LMBRD2: variants seen among roughly 807,000 people sequenced by gnomAD.
LMBRD2 encodes the protein G protein-coupled receptor-associated protein LMBRD2.
Under a neutral mutation model 94.4 loss-of-function variants are expected in LMBRD2, and 55 were observed. That is an observed-to-expected ratio of 0.58 (90% CI 0.47 to 0.73). The LOEUF is 0.73. LMBRD2 is among the 30% of genes least tolerant of loss of function. LMBRD2 has a pLI of 0.00. For missense variants in LMBRD2, 640 were observed against 831.9 expected, an observed-to-expected ratio of 0.77 and a Z score of 2.84; for synonymous variants, 246 against 272.4, an observed-to-expected ratio of 0.90 and a Z score of 0.95.
At chr5:36,142,400 G>C (rs1189039175) in intron 3 of LMBRD2, 102 bp downstream of exon 3, 2 of 612,978 alleles carry the variant, frequency 3.3e-6, no homozygotes, top group Non-Finnish European at 5.7e-6. Context: ...TAGAGAATGA[G>C]GATAACTTAC....
In LMBRD2 at chr5:36,115,033, T is replaced by C; in HGVS notation, c.1524A>G (p.Gln508=). ...MDSSISHKNT[Q]PTAYTSIMGS... ...TACTTACAGATGTATAAGCAGTTGG[T>C]TGAGTATTCTTGTGAGAGATAGATG... Residue 508 remains glutamine, a synonymous_variant, in exon 12 of 18, where the codon CAA becomes CAG. Transcript: ENST00000296603. 1.2e-6 allele frequency: 2 copies of C among 1,600,624 alleles called. No individual in the cohort carries two copies. Among genetic ancestry groups the C allele is most frequent in the South Asian group, 1.1e-5 (1 of 90,558 alleles).
At position 36,122,419 on chromosome 5, in the gene LMBRD2, C is replaced by G. The variant is rs752229654; in HGVS notation, c.981G>C (p.Trp327Cys). The change falls in exon 9 of 18, where the codon TGG becomes TGC. Residue 327 changes from tryptophan (W) to cysteine (C), a missense_variant. Coordinates refer to ENST00000296603, the MANE Select transcript of LMBRD2 (RefSeq NM_001007527.2). ...AAAATGCTTGTTCCAAAAGAATCTG[C>G]CATTGTACTTGAGTTCGACGGTGTC... is the stretch of plus-strand genomic sequence containing the variant. ...VQRHRRTQVQ[W>C]QILLEQAFYL... 1 of 1,613,350 alleles carries G rather than the reference C, an allele frequency of 6.2e-7. No homozygotes were observed. The highest frequency in any genetic ancestry group is 8.5e-7 in the Non-Finnish European group (1 of 1,179,718).
At chr5:36,141,590 T>C (rs1320077598) in intron 3 of LMBRD2, among the ~76,000 whole-genome samples, 1 of 152,042 alleles carries the variant, frequency 6.6e-6, no homozygotes, top group African/African-American at 2.4e-5. Context: ...GTTGGGTTTT[T>C]TTTTTTTCAG....
chr5:36,102,451 A>T lies in LMBRD2; in HGVS notation c.*1595T>A, dbSNP rs1164562197. 6.6e-6 allele frequency: 1 copy of T among 151,830 alleles called. No homozygotes were observed. Among genetic ancestry groups the T allele is most frequent in the Non-Finnish European group, 1.5e-5 (1 of 67,808 alleles). The allele number at this position is 151,830 out of a possible 1,614,324, so 9.4% of individuals were successfully genotyped here. ...GCTTATTGCTTTCTGGCCACACTTCACATGAAAAGACTGTATGTGTGTGTT... is the reference window on the plus strand; with the variant it reads ...GCTTATTGCTTTCTGGCCACACTTCTCATGAAAAGACTGTATGTGTGTGTT... On this transcript the variant is annotated 3_prime_UTR_variant, in exon 18 of 18. Coordinates refer to ENST00000296603, the MANE Select transcript of LMBRD2 (RefSeq NM_001007527.2).
At chr5:36,145,747 G>T (rs1744523443) in intron 1 of LMBRD2, among the ~76,000 whole-genome samples, 1 of 152,034 alleles carries the variant, frequency 6.6e-6, no homozygotes, top group Non-Finnish European at 1.5e-5. Flanking sequence ...ACAAAAAAAA[G>T]ACTAAATATT....
chr5:36,145,689 A>C (rs902952515), intron 1 of LMBRD2, among the ~76,000 whole-genome samples: 2 of 152,200 alleles, frequency 1.3e-5, no homozygotes, highest in Admixed American at 1.3e-4. Context: ...TCCTTTTATG[A>C]CTTGAACTAG....
Position 36,122,824 on chromosome 5 carries a change from AATACTT to A in LMBRD2, c.936+18_936+23del, listed in dbSNP as rs777584770. 3 of 1,581,418 alleles carry A rather than the reference AATACTT, an allele frequency of 1.9e-6. No individual in the cohort carries two copies. Among genetic ancestry groups the A allele is most frequent in the Non-Finnish European group, 2.6e-6 (3 of 1,168,432 alleles). ...TCTAATTAAAATCATCATTAAGTAA[AATACTT>A]ATAATTAACAAAGTTACCTGTTTAT... On this transcript the variant is annotated intron_variant, in intron 8 of 17. Transcript: ENST00000296603.
chr5:36,109,450 C>T (rs985894619), intron 15 of LMBRD2, among the ~76,000 whole-genome samples: 8 of 152,014 alleles, frequency 5.3e-5, no homozygotes, highest in Admixed American at 5.3e-4. Context: ...CCAGTATATA[C>T]ACCCATTTGT....
intron 6 of LMBRD2, among the ~76,000 whole-genome samples, chr5:36,130,355 C>T (rs1457628664): frequency 2.6e-5 from 4 of 152,036 alleles, no homozygotes; most frequent in Non-Finnish European, 5.9e-5. Flanking sequence ...GTCAAGTTGT[C>T]ATCAGTTTAA....
chr5:36,134,078 A>C (rs1038841885), intron 6 of LMBRD2, among the ~76,000 whole-genome samples: 1 of 152,120 alleles, frequency 6.6e-6, no homozygotes, highest in Non-Finnish European at 1.5e-5. Context: ...TTTTTTCAAA[A>C]ATTCAAAATT....
intron 6 of LMBRD2, among the ~76,000 whole-genome samples, chr5:36,132,014 T>C (rs545047706): frequency 6.6e-6 from 1 of 152,162 alleles, no homozygotes; most frequent in South Asian, 2.1e-4. Flanking sequence ...GCCAAAGCTA[T>C]CTTGAGTAAA....
intron 1 of LMBRD2, among the ~76,000 whole-genome samples, chr5:36,150,755 A>G (rs1338758823): frequency 1.3e-5 from 2 of 152,218 alleles, no homozygotes; most frequent in Non-Finnish European, 2.9e-5. Flanking sequence ...CACCAATCTC[A>G]TCTTTCAAGA....
In LMBRD2 at chr5:36,100,842, G is replaced by C. The variant is rs574009995; in HGVS notation, c.*3204C>G. On this transcript the variant is annotated 3_prime_UTR_variant, in exon 18 of 18. Coordinates refer to ENST00000296603, the MANE Select transcript of LMBRD2 (RefSeq NM_001007527.2). Reference sequence around the variant, plus strand: ...GAACATTCCCTAAACCTATTAATAAGAATGAGGTTTGTAACTGAATGTAAA... The same window carrying C: ...GAACATTCCCTAAACCTATTAATAACAATGAGGTTTGTAACTGAATGTAAA... 3 of 152,076 alleles carry C rather than the reference G, an allele frequency of 2.0e-5. No homozygotes were observed. The highest frequency in any genetic ancestry group is 4.2e-4 in the South Asian group (2 of 4,818). 9.4% of individuals were successfully genotyped at this position (152,076 alleles called of 1,614,324 possible).
chr5:36,132,607 C>G (rs1744180150), intron 6 of LMBRD2, among the ~76,000 whole-genome samples: 1 of 147,636 alleles, frequency 6.8e-6, no homozygotes, highest in Admixed American at 6.7e-5. Flanking sequence ...TCAAACAACT[C>G]CATGAGAAAA....
At chr5:36,141,260 C>T in intron 3 of LMBRD2, 58 bp from the exon 4 acceptor site, 5 of 982,166 alleles carry the variant, frequency 5.1e-6, no homozygotes, top group Non-Finnish European at 6.4e-6. Flanking sequence ...ATGAATTATA[C>T]AATTAATTTG....
Position 36,124,200 on chromosome 5 carries a change from T to C in LMBRD2, c.813A>G (p.Ile271Met). ...NHPLRKCVDTILKKCPTEYQE... is the reference protein window; with the variant it reads ...NHPLRKCVDTMLKKCPTEYQE... The stretch of plus-strand genomic sequence containing the variant: ...AAGATGATTTCATTACCTTTTTAAG[T>C]ATTGTATCAACACATTTTCTCAATG... The change falls in exon 7 of 18, where the codon ATA becomes ATG. Residue 271 changes from isoleucine (I) to methionine (M), a missense_variant. Ile to Met is a conservative substitution (Grantham distance 10). Coordinates refer to ENST00000296603, the MANE Select transcript of LMBRD2 (RefSeq NM_001007527.2). 6.4e-7 allele frequency: 1 copy of C among 1,558,104 alleles called. No homozygotes were observed. Among genetic ancestry groups the C allele is most frequent in the Non-Finnish European group, 8.8e-7 (1 of 1,131,086 alleles).
At chr5:36,116,787 C>T (rs1379076750) in intron 10 of LMBRD2, among the ~76,000 whole-genome samples, 194 bp from the exon 11 acceptor site, 1 of 152,140 alleles carries the variant, frequency 6.6e-6, no homozygotes, top group African/African-American at 2.4e-5. Context: ...AGTGATTCTC[C>T]TGCCTCAGCC....
chr5:36,146,363 AT>A (rs1744538061), intron 1 of LMBRD2, among the ~76,000 whole-genome samples: 1 of 152,126 alleles, frequency 6.6e-6, no homozygotes. Context: ...CTGAAGAAGA[AT>A]CCATTTCTAA....
chr5:36,121,199 C>T (rs1743880689), intron 9 of LMBRD2, among the ~76,000 whole-genome samples: 1 of 152,104 alleles, frequency 6.6e-6, no homozygotes, highest in African/African-American at 2.4e-5. Flanking sequence ...CTGATATATA[C>T]CAAGCTACCC....
Sources: allele counts gnomAD v4.1 joint callset (sites outside exome capture counted in the v4.1 genomes callset), GRCh38; gene constraint gnomAD v4.1.1; transcripts MANE v1.5; gene names NCBI Gene and HGNC (gene_info 2026-07-23, HGNC 2026-07-21).